Variants in MRPL13 observed in about 807,000 individuals in gnomAD.
MRPL13 encodes the protein mitochondrial ribosomal protein L13, also known as large ribosomal subunit protein uL13m.
A neutral mutation model predicts 29.0 loss-of-function variants in MRPL13; 33 were observed. The observed-to-expected ratio is 1.14, with a 90% confidence interval of 0.86 to 1.52. The LOEUF (loss-of-function observed/expected upper bound fraction) is 1.52, where lower values mean the gene tolerates loss of function less well. Among genes scored for constraint, MRPL13 ranks in the 40% most tolerant of loss-of-function variants. The pLI, the probability that MRPL13 is intolerant of heterozygous loss-of-function variation, is 0.00. For missense variants in MRPL13, 227 were observed against 216.7 expected (o/e 1.05, Z -0.30); for synonymous variants, 77 against 68.4 (o/e 1.13, Z -0.62).
At chr8:120,435,565 C>T (rs1163350150) in intron 2 of MRPL13, among the ~76,000 whole-genome samples, 1 of 152,132 alleles carries the variant, frequency 6.6e-6, no homozygotes, top group African/African-American at 2.4e-5. Flanking sequence ...CTACAGTATT[C>T]TATGGTGTAT....
At chr8:120,404,923 C>T (rs549694377) in intron 6 of MRPL13, among the ~76,000 whole-genome samples, 13 of 152,280 alleles carry the variant, frequency 8.5e-5, no homozygotes, top group African/African-American at 2.9e-4. Context: ...ATATGATTAT[C>T]TTATACTCCC....
Position 120,441,519 on chromosome 8 carries a change from T to C in MRPL13, c.151+1666A>G, listed in dbSNP as rs570147717. Among the ~76,000 whole-genome samples, 38 of 152,152 alleles carry C rather than the reference T, an allele frequency of 2.5e-4. No individual in the cohort carries two copies. In the Middle Eastern group the frequency reaches 0.017, roughly 69 times the overall value. ...AAACAAGTGAATCCAGGGAAACAAGTGAAGAATGTGTTTCAAGAAGAAAGT... is the reference window on the plus strand; with the variant it reads ...AAACAAGTGAATCCAGGGAAACAAGCGAAGAATGTGTTTCAAGAAGAAAGT... On this transcript the variant is annotated intron_variant, in intron 2 of 6. Coordinates refer to ENST00000306185, the MANE Select transcript of MRPL13 (RefSeq NM_014078.6).
intron 2 of MRPL13, among the ~76,000 whole-genome samples, chr8:120,440,053 C>T (rs1813100457): frequency 6.6e-6 from 1 of 152,158 alleles, no homozygotes; most frequent in Admixed American, 6.5e-5. Flanking sequence ...GTGTACAAAA[C>T]CGGCAAAATT....
intron 2 of MRPL13, among the ~76,000 whole-genome samples, chr8:120,433,005 G>A (rs1318510518): frequency 6.6e-6 from 1 of 151,976 alleles, no homozygotes; most frequent in Non-Finnish European, 1.5e-5. Context: ...AAGATTCTAT[G>A]CAGAGCCCTA....
At chr8:120,401,672 TA>T (rs1164576550) in intron 6 of MRPL13, among the ~76,000 whole-genome samples, 2 of 151,930 alleles carry the variant, frequency 1.3e-5, no homozygotes, top group African/African-American at 4.8e-5. Context: ...GCAAGAGAAA[TA>T]AATAAAAGGT....
chr8:120,431,757 T>A (rs1378368803), intron 3 of MRPL13, among the ~76,000 whole-genome samples: 2 of 152,074 alleles, frequency 1.3e-5, no homozygotes, highest in East Asian at 3.9e-4. Context: ...GAAGCAGAAA[T>A]ACAAAGTAAA....
chr8:120,400,737 TAAATAAAA>T (rs377143647), intron 6 of MRPL13, among the ~76,000 whole-genome samples: 27,363 of 140,020 alleles, frequency 0.2, 2,771 homozygotes, highest in Middle Eastern at 0.25. Flanking sequence ...AATAAATAAA[TAAATAAAA>T]AAAATAGACT....
intron 6 of MRPL13, among the ~76,000 whole-genome samples, chr8:120,397,718 T>C (rs1220359736): frequency 6.6e-6 from 1 of 151,966 alleles, no homozygotes; most frequent in Admixed American, 6.5e-5. Context: ...CTCTGATCTC[T>C]CCCTGGGATA....
rs375886042 is a variant in MRPL13 at position 120,428,571 on chromosome 8, A to T, written c.246-3205T>A. 8.1e-4 allele frequency among the ~76,000 whole-genome samples: 123 copies of T among 152,316 alleles called. 1 individual carries two copies. Among genetic ancestry groups the T allele is most frequent in the African/African-American group, 2.8e-3 (116 of 41,572 alleles). ...AAACAGACACCTACAGAATGGGAGA[A>T]AATTTTTGCAAACTATGCATCTGAC... is the stretch of plus-strand genomic sequence containing the variant. On this transcript the variant is annotated intron_variant, in intron 3 of 6. Transcript: ENST00000306185.
At position 120,445,048 on chromosome 8, in the gene MRPL13, C is replaced by A. The variant is rs778367116; in HGVS notation, c.27+20G>T. ...TGCCAGTATAATGAACCCCATCAAGCCATAAGAGTCCGAGCTCACCTGGGG... is the reference window on the plus strand; with the variant it reads ...TGCCAGTATAATGAACCCCATCAAGACATAAGAGTCCGAGCTCACCTGGGG... On this transcript the variant is annotated intron_variant, in intron 1 of 6. Coordinates refer to ENST00000306185, the MANE Select transcript of MRPL13 (RefSeq NM_014078.6). The A allele has an allele frequency of 6.2e-7, 1 of 1,613,978 alleles. No homozygotes were observed. Among genetic ancestry groups the A allele is most frequent in the South Asian group, 1.1e-5 (1 of 91,072 alleles).
intron 5 of MRPL13, among the ~76,000 whole-genome samples, chr8:120,419,070 G>C (rs1812839483): frequency 6.6e-6 from 1 of 151,952 alleles, no homozygotes. Context: ...ATAGCATCTA[G>C]CACTTATTGT....
rs796337427 is a variant in MRPL13, at chr8:120,423,870, G to GT, written c.306+1435dup. Among the ~76,000 whole-genome samples, 11 of 152,138 alleles carry GT rather than the reference G, an allele frequency of 7.2e-5. 1 individual carries two copies. Among genetic ancestry groups the GT allele is most frequent in the African/African-American group, 2.6e-4 (11 of 41,536 alleles). On this transcript the variant is annotated intron_variant, in intron 4 of 6. Coordinates refer to ENST00000306185, the MANE Select transcript of MRPL13 (RefSeq NM_014078.6). ...ATAACAAGAATGTTCAATTGGAAGA[G>GT]TTTTTTTAAAAACCTGAACAAAGAA...
intron 6 of MRPL13, among the ~76,000 whole-genome samples, chr8:120,396,510 A>C (rs1464070194): frequency 6.6e-6 from 1 of 152,164 alleles, no homozygotes; most frequent in African/African-American, 2.4e-5. Context: ...GTACAAATGC[A>C]AATTTTGAGT....
At chr8:120,411,608 C>T (rs1431824625) in intron 6 of MRPL13, among the ~76,000 whole-genome samples, 6 of 152,088 alleles carry the variant, frequency 3.9e-5, no homozygotes, top group African/African-American at 7.2e-5. Flanking sequence ...TTTCAGTAAA[C>T]GTATACCTAT....
At chr8:120,402,163 A>G (rs992296537) in intron 6 of MRPL13, among the ~76,000 whole-genome samples, 1 of 152,230 alleles carries the variant, frequency 6.6e-6, no homozygotes, top group African/African-American at 2.4e-5. Context: ...TAAAATTCAT[A>G]TGGAACCAAT....
At chr8:120,437,690 T>TA (rs1311521698) in intron 2 of MRPL13, among the ~76,000 whole-genome samples, 1 of 152,148 alleles carries the variant, frequency 6.6e-6, no homozygotes, top group African/African-American at 2.4e-5. Flanking sequence ...ACATTTTCCA[T>TA]AAAAAATAAC....
intron 2 of MRPL13, among the ~76,000 whole-genome samples, chr8:120,436,040 C>G (rs1213672014): frequency 6.6e-6 from 1 of 151,966 alleles, no homozygotes; most frequent in Non-Finnish European, 1.5e-5. Context: ...ATCTTATGCT[C>G]TAGTTGAAAA....
rs367879578 is a variant in MRPL13 at position 120,433,023 on chromosome 8, G to A, written c.152-900C>T. Among the ~76,000 whole-genome samples, 123 of 152,154 alleles carry A rather than the reference G, an allele frequency of 8.1e-4. 1 individual carries two copies. Among genetic ancestry groups the A allele is most frequent in the African/African-American group, 2.8e-3 (116 of 41,538 alleles). ...ATTCTATGCAGAGCCCTAAATTTGA[G>A]TGGCAGAATTTTCACAGACGTTCAT... On this transcript the variant is annotated intron_variant, in intron 2 of 6. Coordinates refer to ENST00000306185, the MANE Select transcript of MRPL13 (RefSeq NM_014078.6).
chr8:120,441,100 A>T (rs1268074783), intron 2 of MRPL13, among the ~76,000 whole-genome samples: 4 of 152,192 alleles, frequency 2.6e-5, no homozygotes, highest in Non-Finnish European at 5.9e-5. Flanking sequence ...CCTTCAAACC[A>T]GAGCAACAAA....
Sources: allele counts gnomAD v4.1 joint callset (sites outside exome capture counted in the v4.1 genomes callset), GRCh38; gene constraint gnomAD v4.1.1; transcripts MANE v1.5; gene names NCBI Gene and HGNC (gene_info 2026-07-23, HGNC 2026-07-21).